Variants in SH3RF3 observed in about 807,000 individuals in gnomAD.
SH3RF3 encodes E3 ubiquitin-protein ligase SH3RF3.
SH3RF3 carries 29 observed loss-of-function variants against 66.3 expected under a neutral mutation model. The observed-to-expected ratio is 0.44, with a 90% confidence interval of 0.33 to 0.60. SH3RF3 has a LOEUF of 0.60. SH3RF3 is among the 20% of genes least tolerant of loss of function. The probability of loss-of-function intolerance (pLI) is 0.04; values close to 1 mark genes in which losing one functional copy is unlikely to be tolerated. For synonymous variants in SH3RF3, 583 were observed against 532.0 expected (o/e 1.10, Z -1.32); for missense variants, 1,194 against 1,190.9 (o/e 1.00, Z -0.04).
intron 4 of SH3RF3, among the ~76,000 whole-genome samples, chr2:109,401,244 T>C (rs1676304768): frequency 6.6e-6 from 1 of 152,240 alleles, no homozygotes; most frequent in Non-Finnish European, 1.5e-5. Context: ...TGAGCAACTG[T>C]TGGCGATGTG....
chr2:109,458,580 G>GAGAGAGAGAGAGAGAGAGAGAGAGAA, intron 8 of SH3RF3, among the ~76,000 whole-genome samples: 1 of 150,658 alleles, frequency 6.6e-6, no homozygotes, highest in Non-Finnish European at 1.5e-5. Flanking sequence ...GACAGAGAGA[G>GAGAGAGAGAGAGAGAGAGAGAGAGAA]AGAGAGAGAG....
chr2:109,170,696 T>C (rs1677760236), intron 1 of SH3RF3, among the ~76,000 whole-genome samples: 1 of 152,166 alleles, frequency 6.6e-6, no homozygotes, highest in Admixed American at 6.5e-5. Context: ...AGTCTGAGGT[T>C]GTTATTTGTT....
chr2:109,209,701 A>T (rs539510982), intron 1 of SH3RF3, among the ~76,000 whole-genome samples: 1 of 151,524 alleles, frequency 6.6e-6, no homozygotes, highest in African/African-American at 2.5e-5. Flanking sequence ...GAGTCACTAC[A>T]AAATGTAGCT....
chr2:109,275,941 A>T (rs1322838228), intron 1 of SH3RF3, among the ~76,000 whole-genome samples: 1 of 152,136 alleles, frequency 6.6e-6, no homozygotes, highest in Non-Finnish European at 1.5e-5. Flanking sequence ...TGACCATGGA[A>T]TGGATTTATA....
At chr2:109,476,086 G>C (rs948475197) in intron 8 of SH3RF3, among the ~76,000 whole-genome samples, 1 of 152,306 alleles carries the variant, frequency 6.6e-6, no homozygotes, top group African/African-American at 2.4e-5. Context: ...ACTTGTAAGA[G>C]GGCAGATCTC....
intron 1 of SH3RF3, among the ~76,000 whole-genome samples, chr2:109,231,978 T>C (rs534863272): frequency 1.3e-5 from 2 of 152,378 alleles, no homozygotes; most frequent in Non-Finnish European, 2.9e-5. Context: ...TAGAATATTT[T>C]ATCCTTTTTA....
In SH3RF3 at chr2:109,130,107, G is replaced by A; in HGVS notation, c.567G>A (p.Ala189=). 1 of 1,328,342 alleles carries A rather than the reference G, an allele frequency of 7.5e-7. No individual in the cohort carries two copies. Among genetic ancestry groups the A allele is most frequent in the Non-Finnish European group, 9.6e-7 (1 of 1,043,478 alleles). The allele number at this position is 1,328,342 out of a possible 1,614,324, so 82.3% of individuals were successfully genotyped here. ...RELATSRTAP[A]AKNPCLLPYG... ...TGGCGACCAGCAGGACCGCGCCGGC[G>A]GCAAAGGTGAGTATCTGTCTCGGCG... Residue 189 remains alanine (A), a synonymous_variant, in exon 1 of 10, where the codon GCG becomes GCA. Coordinates refer to ENST00000309415, the MANE Select transcript of SH3RF3 (RefSeq NM_001099289.3).
rs558683157 is a variant in SH3RF3 at position 109,332,093 on chromosome 2, CT to C, written c.574-15579del. 2.4e-3 allele frequency among the ~76,000 whole-genome samples: 366 copies of C among 152,306 alleles called. 2 individuals are homozygous for C. The highest frequency in any genetic ancestry group is 8.5e-3 in the African/African-American group (352 of 41,570). ...CATGTGTTTGCCAGTCTTTTGGGTG[CT>C]TCTGTTTAGCATAGACATTGGCCAA... On this transcript the variant is annotated intron_variant, in intron 1 of 9. Transcript: ENST00000309415.
intron 8 of SH3RF3, among the ~76,000 whole-genome samples, chr2:109,449,775 A>G (rs1225010620): frequency 6.6e-6 from 1 of 152,234 alleles, no homozygotes; most frequent in Non-Finnish European, 1.5e-5. Flanking sequence ...CCTTAGTTCC[A>G]TCTGTTGTAA....
chr2:109,443,473 GA>G (rs1270807400), intron 7 of SH3RF3, among the ~76,000 whole-genome samples: 1 of 152,270 alleles, frequency 6.6e-6, no homozygotes, highest in Non-Finnish European at 1.5e-5. Context: ...GAAAATAACT[GA>G]AAGCACCACA....
chr2:109,341,055 C>A (rs1682544480), intron 1 of SH3RF3, among the ~76,000 whole-genome samples: 2 of 152,314 alleles, frequency 1.3e-5, no homozygotes, highest in Admixed American at 1.3e-4. Flanking sequence ...GTTTGAAGGG[C>A]AAGTCGTGTT....
chr2:109,319,115 A>G (rs900185012), intron 1 of SH3RF3, among the ~76,000 whole-genome samples: 5 of 152,160 alleles, frequency 3.3e-5, no homozygotes, highest in Admixed American at 2.0e-4. Context: ...TGTCTGCAGA[A>G]GAGGCACTCC....
chr2:109,260,776 C>T (rs1421642148), intron 1 of SH3RF3, among the ~76,000 whole-genome samples: 1 of 152,116 alleles, frequency 6.6e-6, no homozygotes, highest in Non-Finnish European at 1.5e-5. Flanking sequence ...TCAGGTGACC[C>T]TAGCGTGTGT....
chr2:109,176,729 C>G (rs1677924827), intron 1 of SH3RF3, among the ~76,000 whole-genome samples: 1 of 151,780 alleles, frequency 6.6e-6, no homozygotes, highest in African/African-American at 2.4e-5. Context: ...AGAGCCAGAC[C>G]CTGTCTCTAA....
chr2:109,469,050 G>A (rs1678435131), intron 8 of SH3RF3, among the ~76,000 whole-genome samples: 1 of 151,544 alleles, frequency 6.6e-6, no homozygotes, highest in Admixed American at 6.6e-5. Context: ...GTGGGAGCAG[G>A]GCCAGGCATG....
At chr2:109,449,135 C>A in intron 7 of SH3RF3, 35 bp from the exon 8 acceptor site, 1 of 1,599,202 alleles carries the variant, frequency 6.3e-7, no homozygotes, top group Non-Finnish European at 8.5e-7. Context: ...GCAAACTAAC[C>A]TTTCAACCTG....
intron 1 of SH3RF3, among the ~76,000 whole-genome samples, chr2:109,239,489 TA>T (rs1174280345): frequency 2.0e-5 from 3 of 152,212 alleles, no homozygotes. Flanking sequence ...ACAAACGGAC[TA>T]CAATATTCTG....
chr2:109,434,063 A>G (rs1321096389), intron 6 of SH3RF3, among the ~76,000 whole-genome samples: 1 of 152,170 alleles, frequency 6.6e-6, no homozygotes, highest in East Asian at 1.9e-4. Context: ...TCAGCCTGCA[A>G]CCGGCCTGTG....
At chr2:109,189,218 C>G (rs576180468) in intron 1 of SH3RF3, among the ~76,000 whole-genome samples, 1 of 152,048 alleles carries the variant, frequency 6.6e-6, no homozygotes, top group Non-Finnish European at 1.5e-5. Context: ...AGAGGAGGCT[C>G]TGGTGTGTTC....
Sources: allele counts gnomAD v4.1 joint callset (sites outside exome capture counted in the v4.1 genomes callset), GRCh38; gene constraint gnomAD v4.1.1; transcripts MANE v1.5; gene names NCBI Gene and HGNC (gene_info 2026-07-23, HGNC 2026-07-21).